Variants in ATP6V0A1 observed in about 807,000 individuals in gnomAD.
The protein encoded by ATP6V0A1 is ATPase H+ transporting V0 subunit a1.
In ATP6V0A1, 43 loss-of-function variants were observed where a neutral mutation model predicts 105.4. That is an observed-to-expected ratio of 0.41 (90% CI 0.32 to 0.53). The LOEUF is 0.53. ATP6V0A1 is among the 20% of genes least tolerant of loss of function. The pLI, the probability that ATP6V0A1 is intolerant of heterozygous loss-of-function variation, is 0.30. For synonymous variants in ATP6V0A1, 362 were observed against 372.8 expected (o/e 0.97, Z 0.33); for missense variants, 676 against 1,051.1 (o/e 0.64, Z 4.93).
chr17:42,512,904 G>A (rs568715276), intron 19 of ATP6V0A1, among the ~76,000 whole-genome samples: 3 of 152,224 alleles, frequency 2.0e-5, no homozygotes, highest in South Asian at 4.1e-4. Flanking sequence ...CTCTGCGGGG[G>A]GAAGCCCCAT....
chr17:42,504,383 T>C (rs891522898), intron 17 of ATP6V0A1, among the ~76,000 whole-genome samples: 9 of 152,208 alleles, frequency 5.9e-5, no homozygotes, highest in African/African-American at 2.2e-4. Flanking sequence ...GGCTGGGAGA[T>C]TTAACCTGTC....
intron 11 of ATP6V0A1, among the ~76,000 whole-genome samples, chr17:42,491,097 A>G (rs1362532385): frequency 6.6e-6 from 1 of 151,534 alleles, no homozygotes; most frequent in Non-Finnish European, 1.5e-5. Context: ...TTTTTTAGAG[A>G]CGGGGTCTTG....
chr17:42,495,140 T>C lies in ATP6V0A1; in HGVS notation c.1421T>C (p.Ile474Thr), dbSNP rs771385911. Residue 474 changes from isoleucine to threonine, a missense_variant, in exon 13 of 22, where the codon ATC becomes ACC. Around this residue, in one of 3 missense-constraint regions of ATP6V0A1, gnomAD observed 435 missense variants for 642.2 expected, o/e 0.68. Coordinates refer to ENST00000343619, the MANE Select transcript of ATP6V0A1 (RefSeq NM_001130021.3). Reference protein sequence around the residue: ...YNDCFSKSLNIFGSSWSVRPM... With the variant: ...YNDCFSKSLNTFGSSWSVRPM... The stretch of plus-strand genomic sequence containing the variant: ...GATTGCTTTTCCAAGTCTCTTAATA[T>C]CTTTGGGTCATCCTGGAGTGTACGG... 10 of 1,614,166 alleles carry C rather than the reference T, an allele frequency of 6.2e-6. No individual in the cohort carries two copies. The East Asian group carries it at 2.0e-4, about 32-fold the overall frequency.
chr17:42,505,234 C>G (rs2091941164), intron 17 of ATP6V0A1, among the ~76,000 whole-genome samples: 1 of 151,434 alleles, frequency 6.6e-6, no homozygotes, highest in African/African-American at 2.4e-5. Context: ...GAGATAGAGT[C>G]TTGCCCTGTC....
At chr17:42,462,998 C>CTTTTTTTTT (rs35135162) in intron 2 of ATP6V0A1, among the ~76,000 whole-genome samples, 1 of 66,174 alleles carries the variant, frequency 1.5e-5, no homozygotes, top group Non-Finnish European at 2.6e-5. Context: ...GGATATGGAA[C>CTTTTTTTTT]TTTTTTTTTT....
At chr17:42,506,849 A>T (rs1264432067) in intron 17 of ATP6V0A1, among the ~76,000 whole-genome samples, 2 of 152,162 alleles carry the variant, frequency 1.3e-5, no homozygotes, top group African/African-American at 2.4e-5. Context: ...GCGTCTGCCC[A>T]CGTGCCTGTG....
At chr17:42,462,936 C>A (rs2086601203) in intron 2 of ATP6V0A1, among the ~76,000 whole-genome samples, 1 of 140,822 alleles carries the variant, frequency 7.1e-6, no homozygotes, top group Non-Finnish European at 1.5e-5. Flanking sequence ...CTTAAGAGTA[C>A]AATTTGCTGA....
In ATP6V0A1 at chr17:42,494,421, T is replaced by C. The variant is rs1405765288; in HGVS notation, c.1262T>C (p.Val421Ala). ...GHGILMTLFA[V>A]WMVLRESRIL... ...GGCATTTTAATGACCCTTTTTGCTG[T>C]GTGGATGGTACTGAGGGAGAGCCGG... The change falls in exon 12 of 22, where the codon GTG becomes GCG. Residue 421 changes from valine to alanine, a missense_variant. Val to Ala is a moderately conservative substitution (Grantham distance 64). Coordinates refer to ENST00000343619, the MANE Select transcript of ATP6V0A1 (RefSeq NM_001130021.3). 1 of 1,613,844 alleles carries C rather than the reference T, an allele frequency of 6.2e-7. No individual in the cohort carries two copies. Among genetic ancestry groups the C allele is most frequent in the African/African-American group, 1.3e-5 (1 of 74,892 alleles).
At chr17:42,514,040 T>TG (rs2092484942) in intron 20 of ATP6V0A1, 62 bp downstream of exon 20, 1 of 1,529,138 alleles carries the variant, frequency 6.5e-7, no homozygotes, top group African/African-American at 1.4e-5. Flanking sequence ...CACTGTCAGT[T>TG]GGGGGGCTTA....
At chr17:42,504,071 G>A (rs2091869974) in intron 17 of ATP6V0A1, among the ~76,000 whole-genome samples, 1 of 152,282 alleles carries the variant, frequency 6.6e-6, no homozygotes, top group South Asian at 2.1e-4. Context: ...TCCCCGTTTG[G>A]AAACCTGCAC....
intron 16 of ATP6V0A1, 91 bp from the exon 17 acceptor site, chr17:42,501,106 T>A: frequency 1.7e-6 from 2 of 1,191,616 alleles, no homozygotes; most frequent in Non-Finnish European, 2.4e-6. Context: ...AAGAAAGTAC[T>A]GTTGGGGGAA....
intron 12 of ATP6V0A1, 98 bp downstream of exon 12, chr17:42,494,571 T>C (rs532377134): frequency 5.0e-5 from 70 of 1,398,716 alleles, no homozygotes; most frequent in Middle Eastern, 3.8e-4. Flanking sequence ...TCCATGAATT[T>C]ATCAAAAGGA....
Position 42,467,990 on chromosome 17 carries a change from T to A in ATP6V0A1, c.197-20T>A. ...GAGCATGTGCAGTTAGACATGAATG[T>A]TTTGATTCTGTCATTTTAGGATTTG... On this transcript the variant is annotated intron_variant, in intron 3 of 21. Transcript: ENST00000343619. 1 of 1,558,894 alleles carries A rather than the reference T, an allele frequency of 6.4e-7. No individual in the cohort carries two copies. Among genetic ancestry groups the A allele is most frequent in the South Asian group, 1.1e-5 (1 of 87,540 alleles).
At chr17:42,472,068 T>TTC (rs1555602734) in intron 5 of ATP6V0A1, among the ~76,000 whole-genome samples, 2 of 150,090 alleles carry the variant, frequency 1.3e-5, no homozygotes, top group African/African-American at 4.9e-5. Context: ...TTTTTTTTTT[T>TTC]CCCGAGACAA....
chr17:42,476,654 T>C (rs1010992763), intron 5 of ATP6V0A1, among the ~76,000 whole-genome samples: 5 of 152,078 alleles, frequency 3.3e-5, no homozygotes, highest in African/African-American at 1.2e-4. Context: ...TAAAGGGTGG[T>C]AGGATGAGTT....
At chr17:42,487,600 C>T (rs980117016) in intron 10 of ATP6V0A1, among the ~76,000 whole-genome samples, 20 of 152,160 alleles carry the variant, frequency 1.3e-4, no homozygotes, top group African/African-American at 4.3e-4. Flanking sequence ...TGTTGGCAGG[C>T]GCCTGTAGTC....
intron 11 of ATP6V0A1, among the ~76,000 whole-genome samples, chr17:42,491,635 C>T (rs1177131314): frequency 1.3e-5 from 2 of 152,206 alleles, no homozygotes; most frequent in East Asian, 1.9e-4. Flanking sequence ...AGGCATGTGC[C>T]ATCACGCCCG....
At chr17:42,473,314 C>T (rs1247853538) in intron 5 of ATP6V0A1, among the ~76,000 whole-genome samples, 1 of 152,196 alleles carries the variant, frequency 6.6e-6, no homozygotes, top group Non-Finnish European at 1.5e-5. Context: ...GGAATTCCAG[C>T]ATGCTCACTG....
At chr17:42,502,632 G>GT (rs2091764305) in intron 17 of ATP6V0A1, among the ~76,000 whole-genome samples, 1 of 152,158 alleles carries the variant, frequency 6.6e-6, no homozygotes, top group Admixed American at 6.5e-5. Flanking sequence ...TTAAACGGCT[G>GT]TTAGATGATG....
Sources: allele counts gnomAD v4.1 joint callset (sites outside exome capture counted in the v4.1 genomes callset), GRCh38; gene constraint gnomAD v4.1.1; regional missense constraint gnomAD v4.1.1; transcripts MANE v1.5; gene names NCBI Gene and HGNC (gene_info 2026-07-23, HGNC 2026-07-21).